Variants in PPP2R5D observed in about 807,000 individuals in gnomAD.
PPP2R5D encodes the protein serine/threonine-protein phosphatase 2A 56 kDa regulatory subunit delta isoform.
In PPP2R5D, 12 loss-of-function variants were observed where a neutral mutation model predicts 79.1. That is an observed-to-expected ratio of 0.15 (90% CI 0.10 to 0.25). The LOEUF is 0.25. Ranked by LOEUF, PPP2R5D falls within the 10% of genes least tolerant of loss-of-function variation. The probability of loss-of-function intolerance (pLI) is 1.00; values close to 1 mark genes in which losing one functional copy is unlikely to be tolerated. For missense variants in PPP2R5D, 419 were observed against 760.2 expected (o/e 0.55, Z 5.28); for synonymous variants, 277 against 286.6 (o/e 0.97, Z 0.34).
chr6:43,006,128 C>A lies in PPP2R5D; in HGVS notation c.106-335C>A, dbSNP rs1008368148. 6.6e-6 allele frequency among the ~76,000 whole-genome samples: 1 copy of A among 152,176 alleles called. No individual in the cohort carries two copies. The highest frequency in any genetic ancestry group is 1.9e-4 in the East Asian group (1 of 5,202). On this transcript the variant is annotated intron_variant, in intron 2 of 15. Transcript: ENST00000485511. The surrounding 1 kb of genome is among the most constrained non-coding windows in gnomAD (Gnocchi z 4.7). The stretch of plus-strand genomic sequence containing the variant: ...CATCATGTGTCTTCTTAGCAATACC[C>A]ACCCCATTTCCCCTGGCAACGTAAT...
chr6:43,006,388 A>C lies in PPP2R5D; in HGVS notation c.106-75A>C, dbSNP rs1220836060. 6.8e-5 allele frequency: 105 copies of C among 1,548,466 alleles called. No homozygotes were observed. Among genetic ancestry groups the C allele is most frequent in the Non-Finnish European group, 8.9e-5 (102 of 1,148,470 alleles). ...CCCAGGCCTGTGCAGGCATAAACAG[A>C]CTTGGGGATGGCCAGGCCCAGGGTG... On this transcript the variant is annotated intron_variant, in intron 2 of 15. Coordinates refer to ENST00000485511, the MANE Select transcript of PPP2R5D (RefSeq NM_006245.4). The surrounding 1 kb of genome is among the most constrained non-coding windows in gnomAD (Gnocchi z 4.7).
rs1190348868 is a variant in PPP2R5D, at chr6:42,989,647, A to G, written c.64A>G (p.Ser22Gly). 4 of 1,613,922 alleles carry G rather than the reference A, an allele frequency of 2.5e-6. No individual in the cohort carries two copies. The highest frequency in any genetic ancestry group is 3.4e-6 in the Non-Finnish European group (4 of 1,179,934). The part of the protein sequence containing the change: ...PKVAKCTAKP[S>G]SSGKDGGGEN... ...GGTTGCCAAATGCACAGCCAAGCCT[A>G]GCAGCTCGGGCAAGGATGGTGGAGG... Residue 22 changes from serine to glycine, a missense_variant, in exon 2 of 16, where the codon AGC becomes GGC. Physicochemically the swap from Ser to Gly is moderately conservative, Grantham distance 56 (BLOSUM62 0). Around this residue, in one of 5 missense-constraint regions of PPP2R5D, gnomAD observed 110 missense variants for 147.6 expected, o/e 0.75. Coordinates refer to ENST00000485511, the MANE Select transcript of PPP2R5D (RefSeq NM_006245.4).
At chr6:43,002,700 G>A (rs551204620) in intron 2 of PPP2R5D, among the ~76,000 whole-genome samples, 8 of 152,180 alleles carry the variant, frequency 5.3e-5, no homozygotes, top group Non-Finnish European at 1.2e-4. Context: ...CCCTAGATAG[G>A]TGACAAGTCC....
At chr6:42,997,658 C>T (rs4711733) in intron 2 of PPP2R5D, among the ~76,000 whole-genome samples, 17,807 of 151,694 alleles carry the variant, frequency 0.12, 1,610 homozygotes, top group African/African-American at 0.23. Context: ...TACAGGCGCC[C>T]GCCACCATGC....
chr6:43,001,178 G>C (rs1561845940), intron 2 of PPP2R5D, among the ~76,000 whole-genome samples: 1 of 152,210 alleles, frequency 6.6e-6, no homozygotes, highest in Non-Finnish European at 1.5e-5. Context: ...TTTTGAGACA[G>C]AGTTTCACTC....
At position 43,012,164 on chromosome 6, in the gene PPP2R5D, C is replaced by T. The variant is rs563912683; in HGVS notation, c.*878C>T. On this transcript the variant is annotated 3_prime_UTR_variant, in exon 16 of 16. Coordinates refer to ENST00000485511, the MANE Select transcript of PPP2R5D (RefSeq NM_006245.4). Reference sequence around the variant, plus strand: ...GGCCTTCTCTTGTCCCTTATAGGTACCTTGGAGGGGCCAGGGGCTGAGGAA... The same window carrying T: ...GGCCTTCTCTTGTCCCTTATAGGTATCTTGGAGGGGCCAGGGGCTGAGGAA... 741 of 1,080,696 alleles carry T rather than the reference C, an allele frequency of 6.9e-4. No homozygotes were observed. Among genetic ancestry groups the T allele is most frequent in the Non-Finnish European group, 8.0e-4 (714 of 888,786 alleles). 66.9% of individuals were successfully genotyped at this position (1,080,696 alleles called of 1,614,324 possible). A position where few individuals can be genotyped will look rare whatever the true frequency, so the allele number is the denominator to read the frequency against.
chr6:43,005,982 C>T (rs1045830459), intron 2 of PPP2R5D, among the ~76,000 whole-genome samples: 2 of 152,124 alleles, frequency 1.3e-5, no homozygotes, highest in Non-Finnish European at 2.9e-5. Context: ...GTGTACTGCT[C>T]AATAAATTTT....
chr6:42,993,632 G>C (rs1321420688), intron 2 of PPP2R5D, among the ~76,000 whole-genome samples: 2 of 152,168 alleles, frequency 1.3e-5, no homozygotes, highest in Non-Finnish European at 2.9e-5. Context: ...GACAATCTTT[G>C]GCATTCCTTG....
chr6:43,010,624 T>G lies in PPP2R5D; in HGVS notation c.1482-40T>G. 1 of 1,613,578 alleles carries G rather than the reference T, an allele frequency of 6.2e-7. No homozygotes were observed. The highest frequency in any genetic ancestry group is 8.5e-7 in the Non-Finnish European group (1 of 1,179,488). On this transcript the variant is annotated intron_variant, in intron 13 of 15. Coordinates refer to ENST00000485511, the MANE Select transcript of PPP2R5D (RefSeq NM_006245.4). The surrounding 1 kb of genome is among the most constrained non-coding windows in gnomAD (Gnocchi z 4.7). The stretch of plus-strand genomic sequence containing the variant: ...ATCTTCTACCACCAGCTCACTGTGT[T>G]TCTCTCAAGCCCAACCCCAATCCTA...
At chr6:42,998,441 T>G (rs1771946162) in intron 2 of PPP2R5D, among the ~76,000 whole-genome samples, 1 of 151,786 alleles carries the variant, frequency 6.6e-6, no homozygotes, top group South Asian at 2.1e-4. Flanking sequence ...AGTAGGCACG[T>G]TTAGTTGGAA....
At position 43,006,757 on chromosome 6, in the gene PPP2R5D, GTAT is replaced by G; in HGVS notation, c.322+80_322+82del. 1 of 1,581,784 alleles carries G rather than the reference GTAT, an allele frequency of 6.3e-7. No homozygotes were observed. Among genetic ancestry groups the G allele is most frequent in the Non-Finnish European group, 8.6e-7 (1 of 1,161,518 alleles). ...GAGTTGGTGGAATGGAAGTTTTGGG[GTAT>G]TTTGCGGGGAAGGGAGTTCCAGAGA... On this transcript the variant is annotated intron_variant, in intron 3 of 15. Transcript: ENST00000485511. This position sits in a 1 kb window ranked among gnomAD's most constrained non-coding sequence, Gnocchi z 4.7.
At chr6:42,998,032 TA>T (rs1771855813) in intron 2 of PPP2R5D, among the ~76,000 whole-genome samples, 4 of 21,404 alleles carry the variant, frequency 1.9e-4, no homozygotes, top group South Asian at 2.3e-3. Flanking sequence ...TATATATATA[TA>T]TATATATATA....
intron 2 of PPP2R5D, among the ~76,000 whole-genome samples, chr6:42,996,077 C>G (rs1207181597): frequency 1.4e-5 from 2 of 144,682 alleles, no homozygotes; most frequent in Admixed American, 6.9e-5. Flanking sequence ...ATCACTTGAC[C>G]TCGTGATCCG....
Position 43,008,269 on chromosome 6 carries a change from C to A in PPP2R5D, c.917+9C>A. Reference sequence around the variant, plus strand: ...CTGGAGATCCTGGGCAGGTGAGAGGCCGGGTGGGGGCACAGATGCCTGAAA... The same window carrying A: ...CTGGAGATCCTGGGCAGGTGAGAGGACGGGTGGGGGCACAGATGCCTGAAA... On this transcript the variant is annotated intron_variant, in intron 8 of 15. Transcript: ENST00000485511. The surrounding 1 kb of genome is among the most constrained non-coding windows in gnomAD (Gnocchi z 4.2). 1 of 1,614,124 alleles carries A rather than the reference C, an allele frequency of 6.2e-7. No individual in the cohort carries two copies. The highest frequency in any genetic ancestry group is 8.5e-7 in the Non-Finnish European group (1 of 1,180,026).
intron 2 of PPP2R5D, among the ~76,000 whole-genome samples, chr6:42,999,185 C>G (rs533237282): frequency 6.6e-6 from 1 of 152,316 alleles, no homozygotes; most frequent in East Asian, 1.9e-4. Flanking sequence ...CCTTCTACCC[C>G]CAACCCAGGT....
At position 43,008,153 on chromosome 6, in the gene PPP2R5D, C is replaced by G; in HGVS notation, c.858-48C>G. The G allele has an allele frequency of 6.2e-7, 1 of 1,613,852 alleles. No individual in the cohort carries two copies. The highest frequency in any genetic ancestry group is 8.5e-7 in the Non-Finnish European group (1 of 1,179,892). Reference sequence around the variant, plus strand: ...GGAGGTGGGGGGACTGTACAGAATGCTGGAGGGACATCAGGGGTTGTCAAG... The same window carrying G: ...GGAGGTGGGGGGACTGTACAGAATGGTGGAGGGACATCAGGGGTTGTCAAG... On this transcript the variant is annotated intron_variant, in intron 7 of 15. Coordinates refer to ENST00000485511, the MANE Select transcript of PPP2R5D (RefSeq NM_006245.4). This position sits in a 1 kb window ranked among gnomAD's most constrained non-coding sequence, Gnocchi z 4.2.
At position 43,009,484 on chromosome 6, in the gene PPP2R5D, C is replaced by A. The variant is rs1205258929; in HGVS notation, c.1379+35C>A. Reference sequence around the variant, plus strand: ...TGGGGTGGGGCTGGGTGGTGGGGATCCAGTTTGGGAAACTTTGAGGGTATG... The same window carrying A: ...TGGGGTGGGGCTGGGTGGTGGGGATACAGTTTGGGAAACTTTGAGGGTATG... On this transcript the variant is annotated intron_variant, in intron 12 of 15. Transcript: ENST00000485511. The surrounding 1 kb of genome is among the most constrained non-coding windows in gnomAD (Gnocchi z 5.6). 2.5e-6 allele frequency: 4 copies of A among 1,613,236 alleles called. No individual in the cohort carries two copies. In the Admixed American group the frequency reaches 5.0e-5, roughly 20 times the overall value.
rs188401463 is a variant in PPP2R5D at position 42,999,462 on chromosome 6, A to G, written c.106-7001A>G. ...GTAGGGGGCAGGGCAGACTAAGCCCATTCAGCTGCTCTCCAGCCACTCTAG... is the reference window on the plus strand; with the variant it reads ...GTAGGGGGCAGGGCAGACTAAGCCCGTTCAGCTGCTCTCCAGCCACTCTAG... On this transcript the variant is annotated intron_variant, in intron 2 of 15. Transcript: ENST00000485511. Among the ~76,000 whole-genome samples the G allele has an allele frequency of 2.0e-5, 3 of 152,320 alleles. No homozygotes were observed. The East Asian group carries it at 5.8e-4, about 29-fold the overall frequency.
chr6:42,987,332 C>T (rs1405411180), intron 1 of PPP2R5D, among the ~76,000 whole-genome samples: 3 of 152,180 alleles, frequency 2.0e-5, no homozygotes, highest in Non-Finnish European at 4.4e-5. Flanking sequence ...CGCATCTCTC[C>T]TCTTCCTTCA....
Sources: gnomAD v4.1 joint callset for allele counts (sites outside exome capture counted in the v4.1 genomes callset) on GRCh38, gnomAD v4.1.1 for gene constraint, gnomAD v4.1.1 regional missense constraint, Gnocchi (gnomAD v3.1) non-coding constraint, MANE v1.5 for transcripts, NCBI Gene and HGNC (gene_info 2026-07-23, HGNC 2026-07-21) for gene names.